Variants in GET4 observed in about 807,000 individuals in gnomAD.
The protein encoded by GET4 is Golgi to ER traffic protein 4 homolog.
GET4 carries 20 observed loss-of-function variants against 40.0 expected under a neutral mutation model. The ratio of observed to expected loss-of-function variants is 0.50; its 90% confidence interval spans 0.35 to 0.73. The LOEUF (loss-of-function observed/expected upper bound fraction) is 0.73, where lower values mean the gene tolerates loss of function less well. Ranked by LOEUF, GET4 falls within the 30% of genes least tolerant of loss-of-function variation. The pLI, the probability that GET4 is intolerant of heterozygous loss-of-function variation, is 0.01. For missense variants in GET4, 557 were observed against 454.0 expected, an observed-to-expected ratio of 1.23 and a Z score of -2.06; for synonymous variants, 280 against 194.6, an observed-to-expected ratio of 1.44 and a Z score of -3.65.
chr7:876,769 G>A lies in GET4; in HGVS notation c.124G>A (p.Ala42Thr), dbSNP rs1461582451. 1.1e-5 allele frequency: 15 copies of A among 1,346,040 alleles called. No homozygotes were observed. Among genetic ancestry groups the A allele is most frequent in the South Asian group, 1.6e-5 (1 of 61,978 alleles). The allele number at this position is 1,346,040 out of a possible 1,614,324, so 83.4% of individuals were successfully genotyped here. A position where few individuals can be genotyped will look rare whatever the true frequency, so the allele number is the denominator to read the frequency against. The change falls in exon 1 of 9, where the codon GCG (alanine) becomes ACG (threonine). Residue 42 changes from alanine to threonine, a missense_variant. Physicochemically the swap from Ala to Thr is moderately conservative, Grantham distance 58. Transcript: ENST00000265857. ...CGTCGAGAAGGGCGACTACTACGAG[G>A]CGCACCAGATGTACCGGACCCTGTT... ...ASVEKGDYYE[A>T]HQMYRTLFFR...
chr7:876,708 C>G lies in GET4; in HGVS notation c.63C>G (p.Gly21=). Residue 21 remains glycine (G), a synonymous_variant, in exon 1 of 9, where the codon GGC becomes GGG. Transcript: ENST00000265857. ...ESARNGGRNR[G]GVQRVEGKLR... is the part of the protein sequence containing the mutation. ...CCCGGAACGGCGGCCGCAACCGCGG[C>G]GGCGTCCAGCGTGTGGAGGGCAAGC... The G allele has an allele frequency of 7.3e-7, 1 of 1,361,982 alleles. No individual in the cohort carries two copies. Among genetic ancestry groups the G allele is most frequent in the South Asian group, 1.5e-5 (1 of 65,944 alleles). 84.4% of individuals were successfully genotyped at this position (1,361,982 alleles called of 1,614,324 possible). A position where few individuals can be genotyped will look rare whatever the true frequency, so the allele number is the denominator to read the frequency against.
At position 893,898 on chromosome 7, in the gene GET4, G is replaced by A. The variant is rs1256228925; in HGVS notation, c.823-1G>A. 1 of 1,612,446 alleles carries A rather than the reference G, an allele frequency of 6.2e-7. No homozygotes were observed. ...CTGAGCCCGCTGCCTGTGCCTTGCAGTACCTCGACCGCATAGGACAGCTGT... is the reference window on the plus strand; with the variant it reads ...CTGAGCCCGCTGCCTGTGCCTTGCAATACCTCGACCGCATAGGACAGCTGT... On this transcript the variant is annotated splice_acceptor_variant, in intron 7 of 8. Transcript: ENST00000265857. LOFTEE classifies it high-confidence loss of function.
In GET4 at chr7:886,589, G is replaced by A. The variant is rs147544126; in HGVS notation, c.255G>A (p.Leu85=). ...SHGQQNSAAD[L]SMLVLESLEK... ...TGTAGCAAAACAGTGCAGCAGACTT[G>A]TCCATGCTGGTCCTGGAGTCCCTGG... Residue 85 remains leucine, a synonymous_variant, in exon 3 of 9, where the codon TTG becomes TTA. Coordinates refer to ENST00000265857, the MANE Select transcript of GET4 (RefSeq NM_015949.3). 30 of 1,612,780 alleles carry A rather than the reference G, an allele frequency of 1.9e-5. 1 individual carries two copies. The African/African-American group carries it at 3.9e-4, about 21-fold the overall frequency.
intron 1 of GET4, chr7:883,355 G>C (rs1478152193): frequency 1.4e-5 from 3 of 213,370 alleles, no homozygotes; most frequent in African/African-American, 2.3e-5. Flanking sequence ...GCGCAAGCCA[G>C]CTTCCGTCTG....
chr7:888,969 G>T (rs1475469007), intron 4 of GET4, among the ~76,000 whole-genome samples: 1 of 152,282 alleles, frequency 6.6e-6, no homozygotes, highest in East Asian at 1.9e-4. Context: ...CTGCGCACGG[G>T]CCCTGTGGGG....
At chr7:893,022 GGTGTAGGCGTGTGTGCAGGTGA>G (rs1844366010) in intron 6 of GET4, among the ~76,000 whole-genome samples, 1 of 149,326 alleles carries the variant, frequency 6.7e-6, no homozygotes, top group African/African-American at 2.5e-5. Context: ...GCAGGTGAGG[GGTGTAGGCGTGTGTGCAGGTGA>G]GTGTTGGGTG....
chr7:892,869 G>T (rs1386422728), intron 6 of GET4, among the ~76,000 whole-genome samples: 3 of 151,530 alleles, frequency 2.0e-5, no homozygotes, highest in African/African-American at 4.9e-5. Flanking sequence ...GTGCGTGCAG[G>T]TATGTGTGTT....
In GET4 at chr7:895,197, G is replaced by A. The variant is rs117179836; in HGVS notation, c.896-137G>A. On this transcript the variant is annotated intron_variant, in intron 8 of 8. Coordinates refer to ENST00000265857, the MANE Select transcript of GET4 (RefSeq NM_015949.3). ...TGTCCTGTCCCGGGGTTCCTGGGTC[G>A]TAGACAGTAGCGATGTGAGGCTTTT... The A allele has an allele frequency of 1.6e-3, 836 of 532,682 alleles. 9 individuals carry two copies. In the East Asian group the frequency reaches 0.019, roughly 12 times the overall value. The allele number at this position is 532,682 out of a possible 1,614,324, so 33.0% of individuals were successfully genotyped here.
In GET4 at chr7:893,336, CGTG is replaced by C. The variant is rs764137308; in HGVS notation, c.747-395_747-393del. ...TGTGCAGGTGAGTGTTGGGCGCGGG[CGTG>C]GTGGTGGTTGCAGGTGAGTGTTGGG... On this transcript the variant is annotated intron_variant, in intron 6 of 8. Transcript: ENST00000265857. Among the ~76,000 whole-genome samples, 111 of 86,888 alleles carry C rather than the reference CGTG, an allele frequency of 1.3e-3. 3 individuals are homozygous for C. The highest frequency in any genetic ancestry group is 4.5e-3 in the African/African-American group (100 of 22,338). The allele number at this position is 86,888 out of a possible 152,430, so 57.0% of individuals were successfully genotyped here. A position where few individuals can be genotyped will look rare whatever the true frequency, so the allele number is the denominator to read the frequency against.
intron 8 of GET4, among the ~76,000 whole-genome samples, chr7:894,685 C>G (rs906919691): frequency 1.3e-5 from 2 of 152,316 alleles, no homozygotes; most frequent in African/African-American, 4.8e-5. Flanking sequence ...ACAGAAGCGC[C>G]GTCAGGGCGT....
chr7:879,515 G>C (rs971449566), intron 1 of GET4, among the ~76,000 whole-genome samples: 1 of 152,182 alleles, frequency 6.6e-6, no homozygotes, highest in African/African-American at 2.4e-5. Context: ...TGAGCAGCCC[G>C]GGCTCAGGAC....
At position 896,129 on chromosome 7, in the gene GET4, C is replaced by T. The variant is rs1022246129; in HGVS notation, c.*707C>T. On this transcript the variant is annotated 3_prime_UTR_variant, in exon 9 of 9. Transcript: ENST00000265857. ...AAAAGGGATACCGTGGGACTCTGCC[C>T]GTCTCTTTCATAACGCAATATTTAT... 2.0e-5 allele frequency: 3 copies of T among 152,206 alleles called. No homozygotes were observed. Among genetic ancestry groups the T allele is most frequent in the Admixed American group, 6.5e-5 (1 of 15,278 alleles). 9.4% of individuals were successfully genotyped at this position (152,206 alleles called of 1,614,324 possible). A position where few individuals can be genotyped will look rare whatever the true frequency, so the allele number is the denominator to read the frequency against.
chr7:892,436 G>T lies in GET4; in HGVS notation c.746+18G>T. The T allele has an allele frequency of 6.3e-7, 1 of 1,582,976 alleles. No individual in the cohort carries two copies. The highest frequency in any genetic ancestry group is 8.7e-7 in the Non-Finnish European group (1 of 1,155,676). On this transcript the variant is annotated intron_variant, in intron 6 of 8. Coordinates refer to ENST00000265857, the MANE Select transcript of GET4 (RefSeq NM_015949.3). ...GTGGACGGGTGCGTCTTGGGATCCT[G>T]CAGGGGGAGGGGGCTGTGAATGTGC...
At chr7:887,173 C>T (rs754166231) in intron 3 of GET4, 197 bp from the exon 4 acceptor site, 65 of 738,750 alleles carry the variant, frequency 8.8e-5, no homozygotes, top group Non-Finnish European at 1.5e-4. Context: ...CTTCCTTCCT[C>T]GCTGTGCTCT....
At chr7:891,828 A>G (rs1010192008) in intron 5 of GET4, among the ~76,000 whole-genome samples, 67 of 152,196 alleles carry the variant, frequency 4.4e-4, no homozygotes, top group African/African-American at 1.6e-3. Flanking sequence ...CGCCGTGTAC[A>G]TGTTTTCTCT....
At chr7:877,586 C>A (rs1298626209) in intron 1 of GET4, among the ~76,000 whole-genome samples, 4 of 134,092 alleles carry the variant, frequency 3.0e-5, no homozygotes, top group Non-Finnish European at 4.8e-5. Context: ...CTTCCCTCTC[C>A]TAGCCTCCAC....
At chr7:884,355 G>C (rs2128627368) in intron 1 of GET4, 1 of 1,303,668 alleles carries the variant, frequency 7.7e-7, no homozygotes, top group South Asian at 1.2e-5. Context: ...GCCGGTCACA[G>C]AGTCAGTGGT....
intron 4 of GET4, among the ~76,000 whole-genome samples, chr7:888,787 G>C (rs1306299564): frequency 6.6e-5 from 10 of 152,234 alleles, no homozygotes; most frequent in Non-Finnish European, 1.3e-4. Flanking sequence ...CACAGAACAC[G>C]GCCGCAGACA....
chr7:894,485 C>T (rs901871195), intron 8 of GET4, among the ~76,000 whole-genome samples: 14 of 152,096 alleles, frequency 9.2e-5, no homozygotes, highest in African/African-American at 7.2e-5. Context: ...GAGGTGGTGA[C>T]CTCTCCCCAC....
Sources: allele counts gnomAD v4.1 joint callset (sites outside exome capture counted in the v4.1 genomes callset), GRCh38; gene constraint gnomAD v4.1.1; transcripts MANE v1.5; gene names NCBI Gene and HGNC (gene_info 2026-07-23, HGNC 2026-07-21).